The following MAP7D2 variants were observed in gnomAD, a reference collection of about 807,000 sequenced individuals.
MAP7D2 encodes MAP7 domain-containing protein 2.
MAP7D2 carries 33 observed loss-of-function variants against 63.5 expected under a neutral mutation model. The observed-to-expected ratio is 0.52, with a 90% CI of 0.39 to 0.70. The LOEUF (loss-of-function observed/expected upper bound fraction) is 0.70. Ranked by LOEUF, MAP7D2 falls within the 30% of genes least tolerant of loss-of-function variation. The probability of loss-of-function intolerance (pLI) is 0.00; values close to 1 mark genes in which losing one functional copy is unlikely to be tolerated. For missense variants in MAP7D2, 626 were observed against 604.0 expected (o/e 1.04, Z -0.38); for synonymous variants, 224 against 223.7 (o/e 1.00, Z -0.01).
At chrX:20,053,710 T>C (rs781552160) in intron 4 of MAP7D2, among the ~76,000 whole-genome samples, 5 of 112,071 alleles carry the variant, frequency 4.5e-5, no homozygotes, top group Non-Finnish European at 7.5e-5. Flanking sequence ...AAGAAAAATG[T>C]GTGCTCTTGG....
chrX:20,076,941 T>G (rs2065659878), intron 1 of MAP7D2, among the ~76,000 whole-genome samples: 1 of 112,932 alleles, frequency 8.9e-6, no homozygotes, highest in Admixed American at 9.4e-5. Flanking sequence ...AATGATTTTC[T>G]TAAATCACAA....
At chrX:20,040,327 T>A (rs780972219) in intron 8 of MAP7D2, among the ~76,000 whole-genome samples, 41 of 112,144 alleles carry the variant, frequency 3.7e-4, no homozygotes, top group Admixed American at 3.4e-3. Flanking sequence ...ATTAGTTCTG[T>A]CCCTCTGGAG....
chrX:20,061,679 T>TA (rs375813582), intron 3 of MAP7D2, among the ~76,000 whole-genome samples: 7 of 112,532 alleles, frequency 6.2e-5, no homozygotes, highest in African/African-American at 2.3e-4. Context: ...CCATATGGCA[T>TA]AAAACTCCCT....
chrX:20,063,382 G>A (rs1320337747), intron 3 of MAP7D2, 32 bp downstream of exon 3: 1 of 1,198,636 alleles, frequency 8.3e-7, no homozygotes, highest in Non-Finnish European at 1.1e-6. Flanking sequence ...TGAGGGGGCT[G>A]GAAGGTGGCG....
At chrX:20,068,992 C>T (rs1445086426) in intron 1 of MAP7D2, among the ~76,000 whole-genome samples, 1 of 111,876 alleles carries the variant, frequency 8.9e-6, no homozygotes, top group African/African-American at 3.3e-5. Context: ...GATTCTGAGG[C>T]CTCCCCAGCC....
At chrX:20,089,742 T>C (rs1211400658) in intron 1 of MAP7D2, among the ~76,000 whole-genome samples, 1 of 112,558 alleles carries the variant, frequency 8.9e-6, no homozygotes, top group Non-Finnish European at 1.9e-5. Context: ...GAAATACATA[T>C]TTACAATGTA....
chrX:20,061,006 A>G (rs187831682), intron 3 of MAP7D2, among the ~76,000 whole-genome samples: 1 of 105,840 alleles, frequency 9.4e-6, no homozygotes, highest in Non-Finnish European at 1.9e-5. Flanking sequence ...GAGAGGCAGG[A>G]TTTGGTGGGC....
At chrX:20,060,482 GAAAGA>G (rs1247687791) in intron 3 of MAP7D2, among the ~76,000 whole-genome samples, 1 of 101,092 alleles carries the variant, frequency 9.9e-6, no homozygotes, top group Non-Finnish European at 2.1e-5. Flanking sequence ...AAGAAAGAAA[GAAAGA>G]AAGAGAAAGA....
At position 20,052,943 on chromosome X, in the gene MAP7D2, G is replaced by A. The variant is rs367603064; in HGVS notation, c.530C>T (p.Thr177Met). ...STSTMSLPKP[T>M]EPPMNKRLSS... is the part of the protein sequence containing the mutation. Reference sequence around the variant, plus strand: ...CAGGCGTTTATTCATGGGAGGCTCCGTTGGCTTTGGCAAACTCATAGTTGA... The same window carrying A: ...CAGGCGTTTATTCATGGGAGGCTCCATTGGCTTTGGCAAACTCATAGTTGA... The change falls in exon 5 of 17, where the codon ACG becomes ATG. Residue 177 changes from threonine (T) to methionine (M), a missense_variant. Thr to Met is a moderately conservative substitution (Grantham distance 81, BLOSUM62 -1). Coordinates refer to ENST00000379643, the MANE Select transcript of MAP7D2 (RefSeq NM_001168465.2). The A allele has an allele frequency of 2.2e-5, 27 of 1,209,853 alleles. No individual in the cohort carries two copies. Among genetic ancestry groups the A allele is most frequent in the East Asian group, 5.9e-5 (2 of 33,808 alleles).
At chrX:20,060,432 G>GAGAA (rs59420678) in intron 3 of MAP7D2, among the ~76,000 whole-genome samples, 1,095 of 69,164 alleles carry the variant, frequency 0.016, 3 homozygotes, top group Non-Finnish European at 0.019. Flanking sequence ...GAGAGAGAGA[G>GAGAA]AGAAAGAAAG....
intron 1 of MAP7D2, among the ~76,000 whole-genome samples, chrX:20,111,562 G>A (rs1006253908): frequency 9.0e-6 from 1 of 111,500 alleles, no homozygotes; most frequent in African/African-American, 3.3e-5. Context: ...CAGAAGTCTC[G>A]TGGTCTCTAT....
chrX:20,024,577 A>G (rs759287959), intron 10 of MAP7D2, among the ~76,000 whole-genome samples: 2 of 111,906 alleles, frequency 1.8e-5, no homozygotes, highest in South Asian at 7.5e-4. Context: ...CAAGACCAAA[A>G]CCAGAATCTT....
At position 20,050,947 on chromosome X, in the gene MAP7D2, C is replaced by G; in HGVS notation, c.596-1G>C. 1.8e-6 allele frequency: 2 copies of G among 1,135,558 alleles called. No homozygotes were observed. The highest frequency in any genetic ancestry group is 2.3e-6 in the Non-Finnish European group (2 of 860,608). 93.6% of individuals were successfully genotyped at this position (1,135,558 alleles called of 1,213,427 possible). On this transcript the variant is annotated splice_acceptor_variant, in intron 5 of 16. Coordinates refer to ENST00000379643, the MANE Select transcript of MAP7D2 (RefSeq NM_001168465.2). LOFTEE classifies it high-confidence loss of function. ...ATTGGACTAAGGTGCATGTGATGAG[C>G]TGAGGGATGGAATCAAATGAAAATT...
chrX:20,083,302 T>C (rs1191512723), intron 1 of MAP7D2, among the ~76,000 whole-genome samples: 1 of 112,232 alleles, frequency 8.9e-6, no homozygotes, highest in Non-Finnish European at 1.9e-5. Flanking sequence ...CCAAGGTTTA[T>C]GGACATGTAC....
At chrX:20,110,858 C>A in intron 1 of MAP7D2, among the ~76,000 whole-genome samples, 1 of 110,765 alleles carries the variant, frequency 9.0e-6, no homozygotes, top group Non-Finnish European at 1.9e-5. Context: ...GGGCCACTAA[C>A]AATTTCTCAT....
chrX:20,018,957 C>T lies in MAP7D2; in HGVS notation c.1413-2632G>A, dbSNP rs1322149486. ...TTTCCCCACCGCCCTCTGCCGTGGG[C>T]TACCCCGAGCCTACCGCCCTTGCCG... On this transcript the variant is annotated intron_variant, in intron 10 of 16. Transcript: ENST00000379643. Among the ~76,000 whole-genome samples the T allele has an allele frequency of 2.7e-5, 3 of 111,492 alleles. No individual in the cohort carries two copies. In the East Asian group the frequency reaches 8.4e-4, roughly 31 times the overall value.
intron 15 of MAP7D2, 56 bp downstream of exon 15, chrX:20,012,289 AAAAG>A: frequency 1.1e-6 from 1 of 931,588 alleles, no homozygotes; most frequent in Non-Finnish European, 1.5e-6. Flanking sequence ...GAAACCAACT[AAAAG>A]AAAGGGTAGT....
At chrX:20,024,918 G>T in intron 10 of MAP7D2, 33 bp downstream of exon 10, 1 of 1,199,437 alleles carries the variant, frequency 8.3e-7, no homozygotes, top group South Asian at 1.8e-5. Flanking sequence ...ACAGTTACAT[G>T]AGATCACACC....
At chrX:20,108,234 ATTTTATT>A (rs1005298860) in intron 1 of MAP7D2, among the ~76,000 whole-genome samples, 12 of 37,359 alleles carry the variant, frequency 3.2e-4, no homozygotes, top group Admixed American at 4.8e-4. Flanking sequence ...CTTCTTTTTT[ATTTTATT>A]TTTTTTTTTT....
Sources: gnomAD v4.1 joint callset for allele counts (sites outside exome capture counted in the v4.1 genomes callset) on GRCh38, gnomAD v4.1.1 for gene constraint, MANE v1.5 for transcripts, NCBI Gene and HGNC (gene_info 2026-07-23, HGNC 2026-07-21) for gene names.